Variants in PIGZ observed in about 807,000 individuals in gnomAD.
PIGZ encodes GPI alpha-1,2-mannosyltransferase 4.
Under a neutral mutation model 16.4 loss-of-function variants are expected in PIGZ, and 16 were observed. The ratio of observed to expected loss-of-function variants is 0.97; its 90% CI spans 0.66 to 1.48. PIGZ has a LOEUF of 1.48. PIGZ is among the 40% of genes most tolerant of loss of function. PIGZ has a pLI of 0.00. For missense variants in PIGZ, 770 were observed against 739.2 expected (o/e 1.04, Z -0.48); for synonymous variants, 409 against 338.4 (o/e 1.21, Z -2.29).
chr3:196,951,512 T>G, intron 2 of PIGZ: 1 of 406,944 alleles, frequency 2.5e-6, no homozygotes, highest in South Asian at 2.5e-5. Flanking sequence ...CTAACTCTAA[T>G]AAAAGTGTTC....
chr3:196,963,964 G>A (rs903465562), intron 1 of PIGZ, among the ~76,000 whole-genome samples: 5 of 151,932 alleles, frequency 3.3e-5, no homozygotes, highest in African/African-American at 7.2e-5. Context: ...TCTGAGCTTC[G>A]GATTTACTGA....
In PIGZ at chr3:196,948,627, G is replaced by T; in HGVS notation, c.270C>A (p.Cys90Ter). 5 of 1,504,266 alleles carry T rather than the reference G, an allele frequency of 3.3e-6. No homozygotes were observed. Among genetic ancestry groups the T allele is most frequent in the East Asian group, 2.4e-5 (1 of 41,096 alleles). The allele number at this position is 1,504,266 out of a possible 1,614,324, so 93.2% of individuals were successfully genotyped here. The change falls in exon 3 of 3, where the codon TGC becomes TGA. Residue 90 changes from cysteine (C) to a stop codon, truncating the protein, a stop_gained. Coordinates refer to ENST00000412723, the MANE Select transcript of PIGZ (RefSeq NM_025163.4). LOFTEE classifies it low-confidence loss of function (END_TRUNC). ...RPWEFYPSSS[C>*]RSVLFPLLIS... ...TCAGCAGGGGGAAGAGCACCGAGCGGCAGGAGCTGCTGGGGTAAAACTCCC... is the reference window on the plus strand; with the variant it reads ...TCAGCAGGGGGAAGAGCACCGAGCGTCAGGAGCTGCTGGGGTAAAACTCCC...
At chr3:196,967,064 A>G (rs1052996485) in intron 1 of PIGZ, among the ~76,000 whole-genome samples, 2 of 151,790 alleles carry the variant, frequency 1.3e-5, no homozygotes, top group Non-Finnish European at 2.9e-5. Flanking sequence ...GGGAGAGACC[A>G]TCTCAGAGAC....
At chr3:196,958,963 G>C (rs190217474) in intron 1 of PIGZ, among the ~76,000 whole-genome samples, 3 of 152,180 alleles carry the variant, frequency 2.0e-5, no homozygotes, top group Non-Finnish European at 4.4e-5. Flanking sequence ...ACTACTATGC[G>C]GGAACTTGTA....
At chr3:196,964,895 T>C (rs978168059) in intron 1 of PIGZ, among the ~76,000 whole-genome samples, 1 of 152,146 alleles carries the variant, frequency 6.6e-6, no homozygotes, top group African/African-American at 2.4e-5. Context: ...TACACACAAA[T>C]GAACAGGCTT....
chr3:196,948,494 C>A lies in PIGZ; in HGVS notation c.403G>T (p.Ala135Ser), dbSNP rs1290916855. The A allele has an allele frequency of 3.7e-6, 6 of 1,613,416 alleles. No homozygotes were observed. Among genetic ancestry groups the A allele is most frequent in the African/African-American group, 1.3e-5 (1 of 75,016 alleles). Residue 135 changes from alanine (A) to serine (S), a missense_variant, in exon 3 of 3, where the codon GCC (alanine) becomes TCC (serine). Ala to Ser is a moderately conservative substitution (Grantham distance 99). Transcript: ENST00000412723. ...GCCCCGTCCAGAGCAAAGGAAAGGGCAGTGAGGAGGAGTCGAGGCCCCACC... is the reference window on the plus strand; with the variant it reads ...GCCCCGTCCAGAGCAAAGGAAAGGGAAGTGAGGAGGAGTCGAGGCCCCACC... ...LLVGPRLLLT[A>S]LSFALDGAVY...
chr3:196,966,743 G>C (rs953814398), intron 1 of PIGZ, among the ~76,000 whole-genome samples: 1 of 152,200 alleles, frequency 6.6e-6, no homozygotes, highest in African/African-American at 2.4e-5. Context: ...TTATCCCAGG[G>C]GACAGAGCCA....
At chr3:196,948,827 T>TCCCC (rs1717069685) in intron 2 of PIGZ, 142 bp from the exon 3 acceptor site, 1 of 435,342 alleles carries the variant, frequency 2.3e-6, no homozygotes, top group African/African-American at 2.2e-5. Flanking sequence ...GGATTTTTCC[T>TCCCC]CCCTTCCCTC....
rs202156268 is a variant in PIGZ at position 196,947,431 on chromosome 3, C to A, written c.1466G>T (p.Gly489Val). The change falls in exon 3 of 3, where the codon GGG becomes GTG. Residue 489 changes from glycine (G) to valine (V), a missense_variant. Transcript: ENST00000412723. ...TTGGCACAGGGCCCAGTCCTCAGTC[C>A]CCCCCATGTCCACCACCTCCACTGG... ...GAPVEVVDMG[G>V]TEDWALCQTL... 1.9e-6 allele frequency: 3 copies of A among 1,613,754 alleles called. No homozygotes were observed. The East Asian group carries it at 6.7e-5, about 36-fold the overall frequency.
intron 2 of PIGZ, among the ~76,000 whole-genome samples, chr3:196,949,983 A>G (rs1717204253): frequency 6.6e-6 from 1 of 151,984 alleles, no homozygotes; most frequent in Non-Finnish European, 1.5e-5. Flanking sequence ...TTTGTTTACA[A>G]TACTTAAATT....
intron 1 of PIGZ, among the ~76,000 whole-genome samples, chr3:196,956,128 CTTTTTA>C (rs1451293934): frequency 6.6e-6 from 1 of 151,908 alleles, no homozygotes; most frequent in Non-Finnish European, 1.5e-5. Flanking sequence ...GTGCACATTT[CTTTTTA>C]TTTATTATAG....
chr3:196,948,553 G>T lies in PIGZ; in HGVS notation c.344C>A (p.Pro115Gln), dbSNP rs199852771. Residue 115 changes from proline (P) to glutamine (Q), a missense_variant, in exon 3 of 3, where the codon CCG becomes CAG. Physicochemically the swap from Pro to Gln is moderately conservative, Grantham distance 76. Coordinates refer to ENST00000412723, the MANE Select transcript of PIGZ (RefSeq NM_025163.4). The part of the protein sequence containing the change: ...WLLRLWEELG[P>Q]WPGLVSGYAL... ...ATAGCCGCTCACCAGGCCAGGCCAC[G>T]GCCCCAGCTCCTCCCAGAGCCTGAG... 1 of 1,602,920 alleles carries T rather than the reference G, an allele frequency of 6.2e-7. No homozygotes were observed. The highest frequency in any genetic ancestry group is 1.7e-5 in the Admixed American group (1 of 58,306).
chr3:196,963,775 C>T (rs1717812282), intron 1 of PIGZ, among the ~76,000 whole-genome samples: 3 of 152,200 alleles, frequency 2.0e-5, no homozygotes, highest in South Asian at 4.1e-4. Flanking sequence ...GTGGCTTCCA[C>T]GGGCTCTCAC....
intron 2 of PIGZ, among the ~76,000 whole-genome samples, chr3:196,949,205 A>G (rs1377941402): frequency 1.3e-5 from 2 of 151,822 alleles, no homozygotes; most frequent in Admixed American, 6.6e-5. Context: ...CTGGGATTAC[A>G]GGTTTGAGCC....
Position 196,965,040 on chromosome 3 carries a change from A to G in PIGZ, c.-1+3647T>C, listed in dbSNP as rs1182093467. ...AACACAGGGCAGCCCAAAAGAACTC[A>G]TCACCTTCCCTGGAATGAGCCCTGT... is the stretch of plus-strand genomic sequence containing the variant. On this transcript the variant is annotated intron_variant, in intron 1 of 2. Transcript: ENST00000412723. This position sits in a 1 kb window ranked among gnomAD's most constrained non-coding sequence, Gnocchi z 4.2. 6.6e-6 allele frequency among the ~76,000 whole-genome samples: 1 copy of G among 152,140 alleles called. No homozygotes were observed. Among genetic ancestry groups the G allele is most frequent in the African/African-American group, 2.4e-5 (1 of 41,428 alleles).
intron 1 of PIGZ, among the ~76,000 whole-genome samples, chr3:196,957,430 T>C (rs1396659573): frequency 6.6e-6 from 1 of 151,440 alleles, no homozygotes; most frequent in Non-Finnish European, 1.5e-5. Context: ...TCACCTAGGC[T>C]GGAGTGCAGT....
intron 1 of PIGZ, among the ~76,000 whole-genome samples, chr3:196,956,262 T>C (rs1262708278): frequency 6.6e-6 from 1 of 152,166 alleles, no homozygotes; most frequent in Non-Finnish European, 1.5e-5. Context: ...GGGTAATTTA[T>C]AAAGGAAAAG....
chr3:196,963,428 G>A (rs954420637), intron 1 of PIGZ, among the ~76,000 whole-genome samples: 1 of 152,150 alleles, frequency 6.6e-6, no homozygotes, highest in Non-Finnish European at 1.5e-5. Flanking sequence ...AATGTATGAC[G>A]GTTCTAACCA....
Position 196,948,615 on chromosome 3 carries a change from G to A in PIGZ, c.282C>T (p.Leu94=). The A allele has an allele frequency of 6.5e-7, 1 of 1,532,150 alleles. No individual in the cohort carries two copies. Among genetic ancestry groups the A allele is most frequent in the Non-Finnish European group, 8.7e-7 (1 of 1,143,260 alleles). 94.9% of individuals were successfully genotyped at this position (1,532,150 alleles called of 1,614,324 possible). A position where few individuals can be genotyped will look rare whatever the true frequency, so the allele number is the denominator to read the frequency against. The change falls in exon 3 of 3, where the codon CTC becomes CTT. Residue 94 remains leucine (L), a synonymous_variant. Coordinates refer to ENST00000412723, the MANE Select transcript of PIGZ (RefSeq NM_025163.4). The part of the protein sequence containing the change: ...FYPSSSCRSV[L]FPLLISGSTF... ...TGGAACCAGAGATCAGCAGGGGGAA[G>A]AGCACCGAGCGGCAGGAGCTGCTGG...
Sources: gnomAD v4.1 joint callset for allele counts (sites outside exome capture counted in the v4.1 genomes callset) on GRCh38, gnomAD v4.1.1 for gene constraint, Gnocchi (gnomAD v3.1) non-coding constraint, MANE v1.5 for transcripts, NCBI Gene and HGNC (gene_info 2026-07-23, HGNC 2026-07-21) for gene names.